The following ACKR3 variants were observed in gnomAD, a reference collection of about 807,000 sequenced individuals.
The protein encoded by ACKR3 is atypical chemokine receptor 3.
ACKR3 carries 6 observed loss-of-function variants against 22.4 expected under a neutral mutation model. The ratio of observed to expected loss-of-function variants is 0.27; its 90% CI spans 0.15 to 0.53. The LOEUF is 0.53. ACKR3 is among the 20% of genes least tolerant of loss of function. ACKR3 has a pLI of 0.96. For missense variants in ACKR3, 396 were observed against 475.2 expected (o/e 0.83, Z 1.55); for synonymous variants, 209 against 205.2 (o/e 1.02, Z -0.16).
the ACKR3 span, among the ~76,000 whole-genome samples, chr2:236,559,762 T>TA: frequency 6.6e-6 from 1 of 152,316 alleles, no homozygotes; most frequent in South Asian, 2.1e-4. Context: ...TAGAGATGAC[T>TA]ATTTGATTTC....
rs551431251 is a variant in ACKR3 at position 236,580,882 on chromosome 2, C to T, written c.417C>T (p.Ser139=). The T allele has an allele frequency of 1.1e-5, 17 of 1,614,222 alleles. No homozygotes were observed. Among genetic ancestry groups the T allele is most frequent in the South Asian group, 8.8e-5 (8 of 91,080 alleles). ...FGSIFFLTCM[S]VDRYLSITYF... ...GCATTTTCTTCCTCACGTGCATGAG[C>T]GTGGACCGCTACCTCTCCATCACCT... is the stretch of plus-strand genomic sequence containing the variant. Residue 139 remains serine, a synonymous_variant, in exon 2 of 2, where the codon AGC becomes AGT. Coordinates refer to ENST00000272928, the MANE Select transcript of ACKR3 (RefSeq NM_020311.3).
At chr2:236,541,283 A>C in the ACKR3 span, among the ~76,000 whole-genome samples, 2 of 152,228 alleles carry the variant, frequency 1.3e-5, no homozygotes, top group African/African-American at 4.8e-5. Context: ...ACAACAGACA[A>C]ATGCCAGTGG....
chr2:236,556,877 G>A, the ACKR3 span, among the ~76,000 whole-genome samples: 9 of 152,078 alleles, frequency 5.9e-5, no homozygotes, highest in African/African-American at 1.9e-4. Context: ...TAGTAGAGAC[G>A]GGGTTTCGCC....
the ACKR3 span, among the ~76,000 whole-genome samples, chr2:236,549,561 C>A: frequency 2.6e-5 from 4 of 152,152 alleles, no homozygotes; most frequent in Admixed American, 2.6e-4. This position sits in a 1 kb window ranked among gnomAD's most constrained non-coding sequence, Gnocchi z 5.3. Flanking sequence ...GTTTTTCAAG[C>A]GATTTAATTC....
the ACKR3 span, among the ~76,000 whole-genome samples, chr2:236,550,044 G>A: frequency 3.3e-5 from 5 of 152,146 alleles, no homozygotes; most frequent in Admixed American, 1.3e-4. The surrounding 1 kb of genome is among the most constrained non-coding windows in gnomAD (Gnocchi z 4.6). Flanking sequence ...GGGCCCTTTT[G>A]ACAAGGGCTC....
At chr2:236,559,810 A>G in the ACKR3 span, among the ~76,000 whole-genome samples, 1 of 152,200 alleles carries the variant, frequency 6.6e-6, no homozygotes. Flanking sequence ...TTCAACCGTC[A>G]CATGGTGTTT....
upstream of ACKR3, among the ~76,000 whole-genome samples, chr2:236,565,031 A>C (rs1270132769): frequency 2.0e-5 from 3 of 152,194 alleles, no homozygotes; most frequent in African/African-American, 7.2e-5. Context: ...TTCATCAGAG[A>C]GTTCAAAAAT....
the ACKR3 span, among the ~76,000 whole-genome samples, chr2:236,544,390 G>A: frequency 6.6e-6 from 1 of 152,256 alleles, no homozygotes; most frequent in South Asian, 2.1e-4. This position sits in a 1 kb window ranked among gnomAD's most constrained non-coding sequence, Gnocchi z 5.0. Flanking sequence ...AGGGGTCATC[G>A]TATGATCAGC....
At chr2:236,564,423 T>G (rs531484631), upstream of ACKR3, among the ~76,000 whole-genome samples, 11 of 152,312 alleles carry the variant, frequency 7.2e-5, no homozygotes, top group African/African-American at 1.9e-4. Flanking sequence ...TTTTGCTCAA[T>G]TTTTGTTCAA....
the ACKR3 span, among the ~76,000 whole-genome samples, chr2:236,560,614 C>A: frequency 6.6e-6 from 1 of 152,028 alleles, no homozygotes; most frequent in Non-Finnish European, 1.5e-5. Context: ...GCACATATTT[C>A]CCCCCATTCC....
At chr2:236,543,940 G>GATAT in the ACKR3 span, among the ~76,000 whole-genome samples, 3 of 80,908 alleles carry the variant, frequency 3.7e-5, no homozygotes, top group Non-Finnish European at 2.8e-5. Flanking sequence ...CTGGGAGAAG[G>GATAT]GTATATATAT....
upstream of ACKR3, among the ~76,000 whole-genome samples, chr2:236,563,475 G>C (rs1691116603): frequency 6.6e-6 from 1 of 152,224 alleles, no homozygotes; most frequent in African/African-American, 2.4e-5. Context: ...ACTAGGATGG[G>C]AAGATTCTTT....
chr2:236,568,069 A>T (rs1053393578), upstream of ACKR3, among the ~76,000 whole-genome samples: 5 of 152,168 alleles, frequency 3.3e-5, no homozygotes, highest in Middle Eastern at 3.2e-3. Context: ...TCTACTTTTT[A>T]AAAAAACTGC....
chr2:236,537,392 T>G, the ACKR3 span, among the ~76,000 whole-genome samples: 1 of 152,192 alleles, frequency 6.6e-6, no homozygotes, highest in African/African-American at 2.4e-5. Context: ...TTACCAGGGC[T>G]CCATGAATAG....
At chr2:236,538,241 T>A in the ACKR3 span, among the ~76,000 whole-genome samples, 1 of 152,238 alleles carries the variant, frequency 6.6e-6, no homozygotes, top group East Asian at 1.9e-4. Flanking sequence ...GATTAACTGT[T>A]ATTGAGTGTG....
rs538830584 is a variant in ACKR3, at chr2:236,581,851, C to G, written c.*297C>G. 41 of 260,394 alleles carry G rather than the reference C, an allele frequency of 1.6e-4. 1 individual carries two copies. Among genetic ancestry groups the G allele is most frequent in the Middle Eastern group, 1.2e-3 (1 of 802 alleles). 16.1% of individuals were successfully genotyped at this position (260,394 alleles called of 1,614,324 possible). On this transcript the variant is annotated 3_prime_UTR_variant, in exon 2 of 2. Coordinates refer to ENST00000272928, the MANE Select transcript of ACKR3 (RefSeq NM_020311.3). The surrounding 1 kb of genome is among the most constrained non-coding windows in gnomAD (Gnocchi z 4.4). ...CTGTAAGATAGGATTTTCTGTGTTTCCTGAATTTTTTATATGGTGATTTGT... is the reference window on the plus strand; with the variant it reads ...CTGTAAGATAGGATTTTCTGTGTTTGCTGAATTTTTTATATGGTGATTTGT...
chr2:236,546,880 C>T, the ACKR3 span, among the ~76,000 whole-genome samples: 1 of 152,266 alleles, frequency 6.6e-6, no homozygotes, highest in Non-Finnish European at 1.5e-5. The surrounding 1 kb of genome is among the most constrained non-coding windows in gnomAD (Gnocchi z 4.9). Context: ...GTTTTGGCTT[C>T]TCTCTAAGAG....
rs969756938 is a variant in ACKR3, at chr2:236,574,069, G to A, written c.-27+4145G>A. On this transcript the variant is annotated intron_variant, in intron 1 of 1. Transcript: ENST00000272928. This position sits in a 1 kb window ranked among gnomAD's most constrained non-coding sequence, Gnocchi z 5.6. ...ACCACCTTGCTCATGCCTGGGGGGTGATGGGCCTGCGTGCCTTCCCAATTA... is the reference window on the plus strand; with the variant it reads ...ACCACCTTGCTCATGCCTGGGGGGTAATGGGCCTGCGTGCCTTCCCAATTA... Among the ~76,000 whole-genome samples the A allele has an allele frequency of 1.3e-5, 2 of 151,920 alleles. No individual in the cohort carries two copies. The highest frequency in any genetic ancestry group is 4.8e-5 in the African/African-American group (2 of 41,356).
At chr2:236,538,850 G>T in the ACKR3 span, among the ~76,000 whole-genome samples, 1 of 152,184 alleles carries the variant, frequency 6.6e-6, no homozygotes, top group African/African-American at 2.4e-5. Context: ...GTGATGTGTG[G>T]TTTCCCTGAG....
Sources: gnomAD v4.1 joint callset for allele counts (sites outside exome capture counted in the v4.1 genomes callset) on GRCh38, gnomAD v4.1.1 for gene constraint, Gnocchi (gnomAD v3.1) non-coding constraint, MANE v1.5 for transcripts, NCBI Gene and HGNC (gene_info 2026-07-23, HGNC 2026-07-21) for gene names.